Variants in UGGT2 observed in about 807,000 individuals in gnomAD.
UGGT2 encodes the protein UDP-glucose glycoprotein glucosyltransferase 2.
Under a neutral mutation model 192.1 loss-of-function variants are expected in UGGT2, and 180 were observed. That is an observed-to-expected ratio of 0.94 (90% CI 0.83 to 1.06). UGGT2 has a LOEUF of 1.06. Among genes scored for constraint, UGGT2 ranks in the 50% least tolerant of loss-of-function variants. The pLI is 0.00. For missense variants in UGGT2, 1,849 were observed against 1,795.7 expected, an observed-to-expected ratio of 1.03 and a Z score of -0.54; for synonymous variants, 580 against 591.0, an observed-to-expected ratio of 0.98 and a Z score of 0.27.
intron 27 of UGGT2, among the ~76,000 whole-genome samples, chr13:95,878,496 T>A (rs999886838): frequency 5.3e-5 from 8 of 152,180 alleles, no homozygotes; most frequent in African/African-American, 1.7e-4. Context: ...TCTGTCTCTA[T>A]AAATATCATT....
intron 13 of UGGT2, among the ~76,000 whole-genome samples, chr13:95,948,919 T>C (rs2049969449): frequency 6.6e-6 from 1 of 152,204 alleles, no homozygotes; most frequent in Non-Finnish European, 1.5e-5. Context: ...GTTGCCTCTA[T>C]GCTATTCTTG....
In UGGT2 at chr13:95,990,040, T is replaced by C. The variant is rs140335374; in HGVS notation, c.864A>G (p.Thr288=). 7.5e-6 allele frequency: 12 copies of C among 1,604,898 alleles called. No homozygotes were observed. The African/African-American group carries it at 1.6e-4, about 21-fold the overall frequency. The change falls in exon 8 of 39, where the codon ACA becomes ACG. Residue 288 remains threonine, a synonymous_variant. Coordinates refer to ENST00000376747, the MANE Select transcript of UGGT2 (RefSeq NM_020121.4). ...TCTCAATCAGGTATTTTTGGAATGC[T>C]GTCAGATTATCTCTAAGATCTGAAT... ...EIYSDLRDNL[T]AFQKYLIESN... is the part of the protein sequence containing the mutation.
intron 30 of UGGT2, among the ~76,000 whole-genome samples, chr13:95,864,348 T>C (rs905204798): frequency 6.6e-6 from 1 of 152,208 alleles, no homozygotes; most frequent in African/African-American, 2.4e-5. Context: ...CATTTTGCTA[T>C]GGTGATTCTA....
intron 2 of UGGT2, among the ~76,000 whole-genome samples, chr13:96,029,749 A>G (rs2052776153): frequency 6.6e-6 from 1 of 152,208 alleles, no homozygotes; most frequent in African/African-American, 2.4e-5. Flanking sequence ...TTTAGGTATA[A>G]AATATGCTGA....
chr13:95,907,627 A>G (rs951100937), intron 20 of UGGT2, among the ~76,000 whole-genome samples: 2 of 152,224 alleles, frequency 1.3e-5, no homozygotes, highest in Non-Finnish European at 2.9e-5. Context: ...GCATAACTCC[A>G]GGAAACTCCA....
chr13:95,914,219 A>C (rs1460882291), intron 20 of UGGT2, among the ~76,000 whole-genome samples: 1 of 151,922 alleles, frequency 6.6e-6, no homozygotes, highest in Non-Finnish European at 1.5e-5. Context: ...CATGTTGTGC[A>C]CATGTACCCT....
At chr13:95,918,811 A>G (rs1396331240) in intron 20 of UGGT2, among the ~76,000 whole-genome samples, 1 of 152,192 alleles carries the variant, frequency 6.6e-6, no homozygotes, top group Non-Finnish European at 1.5e-5. Flanking sequence ...AAGAGCTGGT[A>G]TCATTTCTAC....
chr13:95,925,765 A>C lies in UGGT2; in HGVS notation c.2210T>G (p.Ile737Arg). ...AATCCAGAGAGTGACTGCAGAAATT[A>C]TACTCTCATCTGAAAGTTTCAAACA... Reference protein sequence around the residue: ...MYYLTQDDESIISAVTLWIIA... With the variant: ...MYYLTQDDESRISAVTLWIIA... Residue 737 changes from isoleucine to arginine, a missense_variant, in exon 20 of 39, where the codon ATA becomes AGA. Transcript: ENST00000376747. 1.9e-6 allele frequency: 3 copies of C among 1,542,804 alleles called. No individual in the cohort carries two copies. The highest frequency in any genetic ancestry group is 2.6e-6 in the Non-Finnish European group (3 of 1,141,616).
rs1233501418 is a variant in UGGT2, at chr13:95,860,789, T to A, written c.3739A>T (p.Arg1247Ter). The change falls in exon 32 of 39, where the codon AGA (arginine) becomes TGA (stop). Residue 1247 changes from arginine (R) to a stop codon, truncating the protein, a stop_gained and splice_region_variant. Coordinates refer to ENST00000376747, the MANE Select transcript of UGGT2 (RefSeq NM_020121.4). LOFTEE classifies it high-confidence loss of function. ...ASGHLYERFL[R>*]IMMLSVLRNT... The stretch of plus-strand genomic sequence containing the variant: ...TATAAGGTTAAAAAATATACCTACC[T>A]TAAAAAACGTTCATATAAATGACCA... The A allele has an allele frequency of 6.6e-7, 1 of 1,506,526 alleles. No individual in the cohort carries two copies. The allele number at this position is 1,506,526 out of a possible 1,614,324, so 93.3% of individuals were successfully genotyped here. A position where few individuals can be genotyped will look rare whatever the true frequency, so the allele number is the denominator to read the frequency against.
intron 17 of UGGT2, among the ~76,000 whole-genome samples, chr13:95,936,007 T>C (rs900055947): frequency 1.3e-5 from 2 of 152,080 alleles, no homozygotes; most frequent in Non-Finnish European, 2.9e-5. Flanking sequence ...TTAAGTTTTT[T>C]TGTAGAGCAG....
At chr13:95,832,173 G>T in intron 38 of UGGT2, among the ~76,000 whole-genome samples, 1 of 151,872 alleles carries the variant, frequency 6.6e-6, no homozygotes. Context: ...GAACCACTGG[G>T]AAGAATTATT....
At position 96,012,742 on chromosome 13, in the gene UGGT2, A is replaced by ATG. The variant is rs10562634; in HGVS notation, c.660+563_660+564dup. The stretch of plus-strand genomic sequence containing the variant: ...TCTAATGGCCATTATATTCATACGC[A>ATG]TGTGTGTGTGTGTGTGTGTGTGCAT... On this transcript the variant is annotated intron_variant, in intron 5 of 38. Transcript: ENST00000376747. Among the ~76,000 whole-genome samples the ATG allele has an allele frequency of 2.6e-3, 392 of 150,656 alleles. 3 individuals carry two copies. Among genetic ancestry groups the ATG allele is most frequent in the African/African-American group, 6.9e-3 (282 of 41,114 alleles).
chr13:95,976,046 G>C (rs753402694), intron 10 of UGGT2, among the ~76,000 whole-genome samples: 2 of 151,992 alleles, frequency 1.3e-5, no homozygotes, highest in South Asian at 4.1e-4. Context: ...CTAATGAATA[G>C]ATCTTATTCC....
intron 36 of UGGT2, among the ~76,000 whole-genome samples, chr13:95,842,420 A>G (rs1362016546): frequency 1.3e-5 from 2 of 152,168 alleles, no homozygotes; most frequent in East Asian, 1.9e-4. Context: ...ATTCCTTTTT[A>G]CTATTGAGTA....
chr13:95,866,395 C>T (rs1038516745), intron 30 of UGGT2, among the ~76,000 whole-genome samples: 4 of 152,082 alleles, frequency 2.6e-5, no homozygotes, highest in African/African-American at 9.7e-5. Flanking sequence ...TTAACTTTGA[C>T]TATGAGTTGG....
At chr13:95,945,982 T>G (rs958301992) in intron 15 of UGGT2, among the ~76,000 whole-genome samples, 1 of 152,116 alleles carries the variant, frequency 6.6e-6, no homozygotes, top group Non-Finnish European at 1.5e-5. Flanking sequence ...CTTGATATAA[T>G]ATTGATTGAC....
chr13:95,965,179 G>A (rs2050530568), intron 12 of UGGT2, among the ~76,000 whole-genome samples: 3 of 151,510 alleles, frequency 2.0e-5, no homozygotes. Flanking sequence ...GGAAGTCAGT[G>A]TGACGATTCC....
intron 29 of UGGT2, among the ~76,000 whole-genome samples, chr13:95,872,886 T>C (rs1891339562): frequency 6.6e-6 from 1 of 152,178 alleles, no homozygotes; most frequent in Non-Finnish European, 1.5e-5. Flanking sequence ...AAAGAAGGGA[T>C]AAGTGGAGAG....
At chr13:96,001,499 T>C in intron 5 of UGGT2, among the ~76,000 whole-genome samples, 1 of 152,192 alleles carries the variant, frequency 6.6e-6, no homozygotes, top group East Asian at 1.9e-4. Flanking sequence ...TAAACAGCCT[T>C]GTTGCTCACA....
Sources: gnomAD v4.1 joint callset for allele counts (sites outside exome capture counted in the v4.1 genomes callset) on GRCh38, gnomAD v4.1.1 for gene constraint, MANE v1.5 for transcripts, NCBI Gene and HGNC (gene_info 2026-07-23, HGNC 2026-07-21) for gene names.